DMD: variants seen among roughly 807,000 people sequenced by gnomAD.
The protein encoded by DMD is mutant dystrophin.
A neutral mutation model predicts 330.1 loss-of-function variants in DMD; 63 were observed. That is an observed-to-expected ratio of 0.19 (90% CI 0.16 to 0.24). DMD has a LOEUF of 0.24. DMD is among the 10% of genes least tolerant of loss of function. The pLI, the probability that DMD is intolerant of heterozygous loss-of-function variation, is 1.00. For synonymous variants in DMD, 1,223 were observed against 959.8 expected, an observed-to-expected ratio of 1.27 and a Z score of -5.07; for missense variants, 3,344 against 2,684.1, an observed-to-expected ratio of 1.25 and a Z score of -5.43.
chrX:32,616,260 G>T (rs971676154), intron 11 of DMD, among the ~76,000 whole-genome samples: 1 of 110,898 alleles, frequency 9.0e-6, no homozygotes, highest in Non-Finnish European at 1.9e-5. Context: ...TTTTCACACT[G>T]TTTTTTAATA....
intron 54 of DMD, among the ~76,000 whole-genome samples, chrX:31,643,728 C>A (rs1466823961): frequency 9.0e-6 from 1 of 111,669 alleles, no homozygotes; most frequent in African/African-American, 3.3e-5. Flanking sequence ...TAGATTCTCC[C>A]ATTAAATTAT....
At chrX:33,235,912 T>A (rs1022598764) in intron 1 of DMD, among the ~76,000 whole-genome samples, 17 of 99,421 alleles carry the variant, frequency 1.7e-4, no homozygotes, top group African/African-American at 6.5e-4. Flanking sequence ...TTATTATTAT[T>A]ATTATTTTTT....
intron 1 of DMD, chrX:33,128,512 C>T (rs1454534912): frequency 1.0e-5 from 8 of 784,003 alleles, no homozygotes; most frequent in Non-Finnish European, 1.2e-5. Flanking sequence ...TAATCAGTAA[C>T]CTCAGTTCCT....
At chrX:32,365,325 T>C (rs2097850835) in intron 34 of DMD, 126 bp from the exon 35 acceptor site, 1 of 626,518 alleles carries the variant, frequency 1.6e-6, no homozygotes, top group South Asian at 2.7e-5. Flanking sequence ...TATGTATTAA[T>C]GAATCATGAA....
intron 30 of DMD, among the ~76,000 whole-genome samples, chrX:32,408,892 CTAT>C (rs1569561554): frequency 1.7e-4 from 18 of 108,496 alleles, no homozygotes; most frequent in African/African-American, 6.1e-4. Flanking sequence ...ATCTATCTAT[CTAT>C]CTATCTATCT....
intron 61 of DMD, among the ~76,000 whole-genome samples, chrX:31,333,590 T>G (rs1004133471): frequency 1.8e-5 from 2 of 109,954 alleles, no homozygotes. Context: ...ATAGCTGGTC[T>G]AGGTCGAATT....
At chrX:32,341,398 G>A (rs751772021) in intron 41 of DMD, among the ~76,000 whole-genome samples, 94 of 112,016 alleles carry the variant, frequency 8.4e-4, no homozygotes, top group African/African-American at 2.9e-3. Context: ...GTGAGACCAA[G>A]CTAACAATTC....
intron 4 of DMD, among the ~76,000 whole-genome samples, chrX:32,836,659 T>G (rs756151871): frequency 9.0e-6 from 1 of 111,716 alleles, no homozygotes; most frequent in South Asian, 3.7e-4. Flanking sequence ...AAACTCTCAG[T>G]ACAGCCTGAG....
In DMD at chrX:33,010,161, T is replaced by C. The variant is rs752465033; in HGVS notation, c.93+9978A>G. ...ATATACGTGTATATATACATGTGTG[T>C]ATATGTATATATGCATATATTTGTG... On this transcript the variant is annotated intron_variant, in intron 2 of 78. Transcript: ENST00000357033. Among the ~76,000 whole-genome samples the C allele has an allele frequency of 1.2e-4, 13 of 105,683 alleles. No individual in the cohort carries two copies. The South Asian group carries it at 3.2e-3, about 26-fold the overall frequency. 91.8% of individuals were successfully genotyped at this position (105,683 alleles called of 115,157 possible).
At chrX:33,027,810 T>A (rs994659128) in intron 1 of DMD, among the ~76,000 whole-genome samples, 2 of 111,695 alleles carry the variant, frequency 1.8e-5, no homozygotes, top group African/African-American at 6.5e-5. Flanking sequence ...TGAAAGTTAA[T>A]TAAGAGCAGA....
At chrX:31,432,823 T>C (rs779075760) in intron 60 of DMD, among the ~76,000 whole-genome samples, 1 of 112,733 alleles carries the variant, frequency 8.9e-6, no homozygotes, top group South Asian at 3.7e-4. Flanking sequence ...AAAGTGGATA[T>C]TTTAAAAGCA....
chrX:32,638,956 A>C (rs1461314162), intron 11 of DMD, among the ~76,000 whole-genome samples: 1 of 111,690 alleles, frequency 9.0e-6, no homozygotes, highest in Non-Finnish European at 1.9e-5. Context: ...CAAAGCATTG[A>C]TGGTGATTCA....
At chrX:31,674,347 T>C (rs1309173492) in intron 53 of DMD, among the ~76,000 whole-genome samples, 2 of 112,461 alleles carry the variant, frequency 1.8e-5, no homozygotes, top group Non-Finnish European at 3.8e-5. Flanking sequence ...ACTTTTAAAA[T>C]TAATTATGTG....
At chrX:32,253,846 A>T (rs1292510240) in intron 43 of DMD, among the ~76,000 whole-genome samples, 1 of 107,387 alleles carries the variant, frequency 9.3e-6, no homozygotes, top group Non-Finnish European at 1.9e-5. Context: ...CTGTTTTCGA[A>T]CTCCTGACCT....
intron 52 of DMD, among the ~76,000 whole-genome samples, chrX:31,679,797 G>C (rs1283011666): frequency 8.9e-6 from 1 of 111,860 alleles, no homozygotes; most frequent in African/African-American, 3.3e-5. Context: ...AGGTGACATA[G>C]AACATCAACA....
chrX:32,441,101 G>A (rs1353569740), intron 28 of DMD, 79 bp downstream of exon 28: 2 of 1,065,327 alleles, frequency 1.9e-6, no homozygotes, highest in Non-Finnish European at 2.6e-6. Flanking sequence ...GTTTTCTTTG[G>A]ATTTGTCTTC....
At chrX:31,397,094 G>C (rs2060979842) in intron 60 of DMD, among the ~76,000 whole-genome samples, 1 of 111,737 alleles carries the variant, frequency 8.9e-6, no homozygotes, top group Non-Finnish European at 1.9e-5. Flanking sequence ...AGCTTTGATG[G>C]GGCTCCTTTA....
intron 17 of DMD, among the ~76,000 whole-genome samples, chrX:32,527,967 GTA>G (rs1237602222): frequency 4.5e-5 from 5 of 111,835 alleles, no homozygotes; most frequent in African/African-American, 1.6e-4. Flanking sequence ...GTGTTTGTGT[GTA>G]TGTTTAAGTT....
chrX:32,983,927 T>C (rs190602075), intron 2 of DMD, among the ~76,000 whole-genome samples: 171 of 111,573 alleles, frequency 1.5e-3, no homozygotes, highest in African/African-American at 5.3e-3. Flanking sequence ...CTACATGATA[T>C]GACCTTATCA....
Sources: gnomAD v4.1 joint callset for allele counts (sites outside exome capture counted in the v4.1 genomes callset) on GRCh38, gnomAD v4.1.1 for gene constraint, MANE v1.5 for transcripts, NCBI Gene and HGNC (gene_info 2026-07-23, HGNC 2026-07-21) for gene names.